Variants in WWOX observed in about 807,000 individuals in gnomAD.
The protein encoded by WWOX is WW domain containing oxidoreductase, also known as WW domain-containing oxidoreductase.
Under a neutral mutation model 46.2 loss-of-function variants are expected in WWOX, and 69 were observed. That is an observed-to-expected ratio of 1.49 (90% CI 1.23 to 1.82). WWOX has a LOEUF of 1.82. Among genes scored for constraint, WWOX ranks in the 40% most tolerant of loss-of-function variants. WWOX has a pLI of 0.00. For synonymous variants in WWOX, 359 were observed against 202.6 expected (o/e 1.77, Z -6.56); for missense variants, 919 against 542.6 (o/e 1.69, Z -6.89).
At chr16:78,924,147 C>T (rs1050982870) in intron 8 of WWOX, among the ~76,000 whole-genome samples, 2 of 152,048 alleles carry the variant, frequency 1.3e-5, no homozygotes, top group African/African-American at 4.8e-5. Context: ...AGACAAGGCT[C>T]TGGTTAGAGA....
intron 8 of WWOX, among the ~76,000 whole-genome samples, chr16:79,173,216 C>T (rs761577616): frequency 6.6e-6 from 1 of 152,218 alleles, no homozygotes; most frequent in African/African-American, 2.4e-5. Context: ...TTCACATCAC[C>T]TGCTCCCCTC....
chr16:78,441,547 G>C (rs1156678704), intron 8 of WWOX, among the ~76,000 whole-genome samples: 2 of 152,094 alleles, frequency 1.3e-5, no homozygotes, highest in African/African-American at 4.8e-5. Context: ...CAGCGGTGTG[G>C]GTATGTTTGG....
intron 5 of WWOX, among the ~76,000 whole-genome samples, chr16:78,354,979 AAAATT>A (rs1292570462): frequency 6.6e-6 from 1 of 152,028 alleles, no homozygotes; most frequent in Admixed American, 6.6e-5. Flanking sequence ...TAAAAATGCA[AAAATT>A]AGCCGGGAGT....
intron 8 of WWOX, among the ~76,000 whole-genome samples, chr16:78,614,568 C>T (rs1161816102): frequency 6.6e-6 from 1 of 152,140 alleles, no homozygotes; most frequent in Non-Finnish European, 1.5e-5. Flanking sequence ...CTGTTGATGC[C>T]ATTCTCTTAA....
At chr16:78,598,139 G>T (rs746952256) in intron 8 of WWOX, among the ~76,000 whole-genome samples, 5 of 152,134 alleles carry the variant, frequency 3.3e-5, no homozygotes, top group Non-Finnish European at 5.9e-5. Context: ...TTTTCTACAA[G>T]CTGAGGGAGA....
chr16:78,834,423 G>C (rs1303909710), intron 8 of WWOX, among the ~76,000 whole-genome samples: 1 of 152,128 alleles, frequency 6.6e-6, no homozygotes, highest in Non-Finnish European at 1.5e-5. Context: ...CTAGGTTTCT[G>C]TGCCCCTCAG....
intron 8 of WWOX, among the ~76,000 whole-genome samples, chr16:79,130,098 T>G (rs2049845293): frequency 6.6e-6 from 1 of 152,250 alleles, no homozygotes; most frequent in East Asian, 1.9e-4. Context: ...TTTATTTCCA[T>G]CTGTGTGTTA....
At chr16:78,805,579 G>A (rs1040626645) in intron 8 of WWOX, among the ~76,000 whole-genome samples, 10 of 152,198 alleles carry the variant, frequency 6.6e-5, no homozygotes, top group Admixed American at 2.6e-4. Context: ...TGACGCTCCC[G>A]GCCTACAGCA....
intron 8 of WWOX, among the ~76,000 whole-genome samples, chr16:79,056,205 G>C (rs1045975704): frequency 8.2e-6 from 1 of 121,650 alleles, no homozygotes; most frequent in Non-Finnish European, 1.7e-5. Context: ...GTAATAGGCT[G>C]TCACTAGACC....
intron 8 of WWOX, among the ~76,000 whole-genome samples, chr16:78,514,413 G>A (rs2667608): frequency 0.92 from 139,446 of 152,198 alleles, 64,250 homozygotes; most frequent in Non-Finnish European, 0.97. Flanking sequence ...TTCACTATTA[G>A]TTTGCTTGAC....
At chr16:78,654,845 A>G (rs796642441) in intron 8 of WWOX, among the ~76,000 whole-genome samples, 1 of 151,586 alleles carries the variant, frequency 6.6e-6, no homozygotes, top group East Asian at 1.9e-4. Flanking sequence ...TAGGGTCGTA[A>G]GGTCCCGTCA....
intron 8 of WWOX, among the ~76,000 whole-genome samples, chr16:78,465,775 A>G (rs1406039443): frequency 3.3e-5 from 5 of 152,182 alleles, no homozygotes; most frequent in African/African-American, 1.2e-4. Flanking sequence ...TTATTTTTTA[A>G]AATGTATTCT....
chr16:78,932,814 A>G (rs375742205), intron 8 of WWOX, among the ~76,000 whole-genome samples: 5 of 152,154 alleles, frequency 3.3e-5, no homozygotes, highest in African/African-American at 9.7e-5. Context: ...CTGTAGAACA[A>G]ACAGACAAGG....
intron 8 of WWOX, among the ~76,000 whole-genome samples, chr16:79,145,765 G>A (rs1433929367): frequency 1.3e-5 from 2 of 151,994 alleles, no homozygotes; most frequent in African/African-American, 2.4e-5. Flanking sequence ...CTAGATGTAA[G>A]GTAAATATAT....
Position 78,251,007 on chromosome 16 carries a change from C to T in WWOX, c.516+86718C>T, listed in dbSNP as rs538934001. On this transcript the variant is annotated intron_variant, in intron 5 of 8. Coordinates refer to ENST00000566780, the MANE Select transcript of WWOX (RefSeq NM_016373.4). Reference sequence around the variant, plus strand: ...CTCTGGGTTGGTCACTCCTGGATTCCCCAGCCCGGACCACACATTCAGGTG... The same window carrying T: ...CTCTGGGTTGGTCACTCCTGGATTCTCCAGCCCGGACCACACATTCAGGTG... Among the ~76,000 whole-genome samples, 6 of 152,268 alleles carry T rather than the reference C, an allele frequency of 3.9e-5. No individual in the cohort carries two copies. In the East Asian group the frequency reaches 9.7e-4, roughly 25 times the overall value.
At chr16:78,855,095 A>G (rs1482347472) in intron 8 of WWOX, among the ~76,000 whole-genome samples, 7 of 152,138 alleles carry the variant, frequency 4.6e-5, no homozygotes, top group Non-Finnish European at 2.9e-5. Flanking sequence ...CCACCCCCCA[A>G]TTATTACCTT....
chr16:79,135,735 T>A (rs964132769), intron 8 of WWOX, among the ~76,000 whole-genome samples: 3 of 152,198 alleles, frequency 2.0e-5, no homozygotes, highest in South Asian at 2.1e-4. Context: ...ATTACCATTT[T>A]AAAAAAATAA....
intron 8 of WWOX, among the ~76,000 whole-genome samples, chr16:78,997,269 C>T (rs145333678): frequency 2.6e-5 from 4 of 152,248 alleles, no homozygotes; most frequent in African/African-American, 9.6e-5. Flanking sequence ...CCCAGCAAGA[C>T]ATGTTATAAT....
At chr16:78,973,234 T>A (rs1425120681) in intron 8 of WWOX, among the ~76,000 whole-genome samples, 3 of 152,202 alleles carry the variant, frequency 2.0e-5, no homozygotes, top group Admixed American at 2.0e-4. Flanking sequence ...GGAGCTTGTG[T>A]TGATGGAATC....
Sources: gnomAD v4.1 joint callset for allele counts (sites outside exome capture counted in the v4.1 genomes callset) on GRCh38, gnomAD v4.1.1 for gene constraint, MANE v1.5 for transcripts, NCBI Gene and HGNC (gene_info 2026-07-23, HGNC 2026-07-21) for gene names.